The following DIAPH3 variants were observed in gnomAD, a reference collection of about 807,000 sequenced individuals.
DIAPH3 encodes the protein diaphanous related formin 3, also known as protein diaphanous homolog 3.
Under a neutral mutation model 144.3 loss-of-function variants are expected in DIAPH3, and 117 were observed. The ratio of observed to expected loss-of-function variants is 0.81; its 90% CI spans 0.70 to 0.95. The LOEUF (loss-of-function observed/expected upper bound fraction) is 0.95, where lower values mean the gene tolerates loss of function less well. Among genes scored for constraint, DIAPH3 ranks in the 40% least tolerant of loss-of-function variants. DIAPH3 has a pLI of 0.00. For synonymous variants in DIAPH3, 519 were observed against 488.9 expected, an observed-to-expected ratio of 1.06 and a Z score of -0.81; for missense variants, 1,421 against 1,412.7, an observed-to-expected ratio of 1.01 and a Z score of -0.09.
chr13:60,100,714 A>ATAT (rs2058245012), intron 3 of DIAPH3, among the ~76,000 whole-genome samples: 1 of 152,132 alleles, frequency 6.6e-6, no homozygotes, highest in African/African-American at 2.4e-5. Context: ...CTAAATTGAA[A>ATAT]TATTTTAATA....
intron 27 of DIAPH3, among the ~76,000 whole-genome samples, chr13:59,673,428 C>T (rs952294059): frequency 1.3e-5 from 2 of 152,124 alleles, no homozygotes; most frequent in Admixed American, 1.3e-4. Flanking sequence ...ATAAAGAATT[C>T]ATCTGGTCTT....
chr13:59,934,932 T>C (rs1357188756), intron 17 of DIAPH3, among the ~76,000 whole-genome samples: 2 of 152,132 alleles, frequency 1.3e-5, no homozygotes, highest in African/African-American at 4.8e-5. Context: ...GGACAGTTAG[T>C]GGAAACTGAA....
At chr13:59,726,755 C>G (rs1158298675) in intron 27 of DIAPH3, among the ~76,000 whole-genome samples, 1 of 152,004 alleles carries the variant, frequency 6.6e-6, no homozygotes, top group Non-Finnish European at 1.5e-5. Context: ...GTTTAACTGT[C>G]CTAACTAGAC....
At chr13:59,676,359 T>TA (rs1297808178) in intron 27 of DIAPH3, among the ~76,000 whole-genome samples, 1 of 152,226 alleles carries the variant, frequency 6.6e-6, no homozygotes, top group Non-Finnish European at 1.5e-5. Context: ...CCTGAAATCT[T>TA]AGTCACTGGC....
intron 24 of DIAPH3, among the ~76,000 whole-genome samples, chr13:59,831,717 G>A (rs529954730): frequency 9.2e-5 from 14 of 151,820 alleles, no homozygotes; most frequent in South Asian, 8.3e-4. Flanking sequence ...TATATAAAAC[G>A]CCCTTATCAG....
chr13:59,776,164 A>C (rs1461669985), intron 25 of DIAPH3, among the ~76,000 whole-genome samples: 2 of 152,240 alleles, frequency 1.3e-5, no homozygotes, highest in Non-Finnish European at 2.9e-5. Flanking sequence ...TGAAAAGTGA[A>C]TGCAGTAGAA....
intron 24 of DIAPH3, among the ~76,000 whole-genome samples, chr13:59,824,695 T>C (rs1018828027): frequency 1.3e-5 from 2 of 152,180 alleles, no homozygotes; most frequent in Non-Finnish European, 2.9e-5. Context: ...TTGGCACATA[T>C]GTCTATACCC....
chr13:59,950,172 T>C (rs574148391), intron 17 of DIAPH3, among the ~76,000 whole-genome samples: 12 of 152,168 alleles, frequency 7.9e-5, no homozygotes, highest in Non-Finnish European at 1.3e-4. Flanking sequence ...GAAGAAAATA[T>C]AAATGCCTAG....
chr13:59,676,906 A>G (rs1263436093), intron 27 of DIAPH3, among the ~76,000 whole-genome samples: 1 of 152,186 alleles, frequency 6.6e-6, no homozygotes, highest in Admixed American at 6.5e-5. Flanking sequence ...GACTATATAC[A>G]TAGAAATGTT....
At chr13:59,766,814 GA>G (rs2037883841) in intron 27 of DIAPH3, among the ~76,000 whole-genome samples, 1 of 150,540 alleles carries the variant, frequency 6.6e-6, no homozygotes, top group South Asian at 2.1e-4. Flanking sequence ...AAGAAAGAAA[GA>G]AAAAAAGCTC....
chr13:59,906,442 C>T (rs868766865), intron 20 of DIAPH3, among the ~76,000 whole-genome samples: 5 of 152,056 alleles, frequency 3.3e-5, no homozygotes, highest in East Asian at 1.9e-4. Context: ...TAGTGGGATA[C>T]GGGGGACATC....
intron 17 of DIAPH3, among the ~76,000 whole-genome samples, chr13:59,960,306 T>C (rs1594133804): frequency 6.6e-6 from 1 of 152,220 alleles, no homozygotes; most frequent in Non-Finnish European, 1.5e-5. Context: ...AACAAGTATT[T>C]AGTTGAACCG....
At chr13:60,158,681 G>T (rs571053446) in intron 1 of DIAPH3, among the ~76,000 whole-genome samples, 1 of 152,182 alleles carries the variant, frequency 6.6e-6, no homozygotes, top group South Asian at 2.1e-4. Context: ...GACTGGCTGG[G>T]AAGCTGAGCA....
chr13:59,879,509 G>T, intron 20 of DIAPH3, 41 bp from the exon 21 acceptor site: 1 of 1,611,996 alleles, frequency 6.2e-7, no homozygotes. Flanking sequence ...TAAAATGCAT[G>T]GTATAGTTTA....
In DIAPH3 at chr13:60,107,391, T is replaced by C. The variant is rs557556816; in HGVS notation, c.390+4619A>G. On this transcript the variant is annotated intron_variant, in intron 3 of 27. Transcript: ENST00000400324. ...AGAATTACACAAGGGATTTCACTTATATCCGTGGTGGTATTTTTTATATTA... is the reference window on the plus strand; with the variant it reads ...AGAATTACACAAGGGATTTCACTTACATCCGTGGTGGTATTTTTTATATTA... Among the ~76,000 whole-genome samples, 6 of 152,280 alleles carry C rather than the reference T, an allele frequency of 3.9e-5. No individual in the cohort carries two copies. The East Asian group carries it at 1.2e-3, about 29-fold the overall frequency.
At chr13:59,889,748 T>C (rs1265864949) in intron 20 of DIAPH3, among the ~76,000 whole-genome samples, 2 of 152,148 alleles carry the variant, frequency 1.3e-5, no homozygotes, top group Non-Finnish European at 2.9e-5. Context: ...TTGTTCTTAT[T>C]TGAGCAGTCA....
At chr13:59,746,943 C>T (rs2036735234) in intron 27 of DIAPH3, among the ~76,000 whole-genome samples, 1 of 152,056 alleles carries the variant, frequency 6.6e-6, no homozygotes, top group South Asian at 2.1e-4. Context: ...ACTTGAACTA[C>T]CATCACCCAC....
At chr13:59,700,143 C>G (rs1274397330) in intron 27 of DIAPH3, among the ~76,000 whole-genome samples, 2 of 152,154 alleles carry the variant, frequency 1.3e-5, no homozygotes, top group Admixed American at 1.3e-4. Flanking sequence ...CCACCATTTT[C>G]CCATTTAGCC....
chr13:59,842,563 C>T (rs1290225617), intron 22 of DIAPH3, among the ~76,000 whole-genome samples: 3 of 151,962 alleles, frequency 2.0e-5, no homozygotes, highest in Non-Finnish European at 4.4e-5. Flanking sequence ...ACTAACTACC[C>T]AGATTTAGTG....
Sources: gnomAD v4.1 joint callset for allele counts (sites outside exome capture counted in the v4.1 genomes callset) on GRCh38, gnomAD v4.1.1 for gene constraint, MANE v1.5 for transcripts, NCBI Gene and HGNC (gene_info 2026-07-23, HGNC 2026-07-21) for gene names.